The following SLC35F3 variants were observed in gnomAD, a reference collection of about 807,000 sequenced individuals.
The protein encoded by SLC35F3 is solute carrier family 35 member F3.
SLC35F3 carries 25 observed loss-of-function variants against 49.9 expected under a neutral mutation model. The ratio of observed to expected loss-of-function variants is 0.50; its 90% CI spans 0.37 to 0.70. The LOEUF (loss-of-function observed/expected upper bound fraction) is 0.70. SLC35F3 is among the 30% of genes least tolerant of loss of function. The probability of loss-of-function intolerance (pLI) is 0.00; values close to 1 mark genes in which losing one functional copy is unlikely to be tolerated. For synonymous variants in SLC35F3, 275 were observed against 265.4 expected, an observed-to-expected ratio of 1.04 and a Z score of -0.35; for missense variants, 525 against 639.8, an observed-to-expected ratio of 0.82 and a Z score of 1.94.
intron 2 of SLC35F3, among the ~76,000 whole-genome samples, chr1:234,041,770 T>G (rs1664225359): frequency 6.6e-6 from 1 of 152,166 alleles, no homozygotes; most frequent in African/African-American, 2.4e-5. Context: ...GGAGGCACAG[T>G]TTCCATTATA....
At position 234,126,521 on chromosome 1, in the gene SLC35F3, T is replaced by G. The variant is rs549048325; in HGVS notation, c.284-104896T>G. 5.1e-5 allele frequency among the ~76,000 whole-genome samples: 7 copies of G among 138,592 alleles called. No individual in the cohort carries two copies. The South Asian group carries it at 1.6e-3, about 32-fold the overall frequency. The allele number at this position is 138,592 out of a possible 152,430, so 90.9% of individuals were successfully genotyped here. A position where few individuals can be genotyped will look rare whatever the true frequency, so the allele number is the denominator to read the frequency against. ...TAGTTCTACATGATTTTATTACCTA[T>G]GTAGGTTTATGTATCCATCACTACA... On this transcript the variant is annotated intron_variant, in intron 2 of 7. Transcript: ENST00000366618.
chr1:234,172,510 A>G (rs1376924277), intron 2 of SLC35F3, among the ~76,000 whole-genome samples: 1 of 152,216 alleles, frequency 6.6e-6, no homozygotes, highest in East Asian at 1.9e-4. Flanking sequence ...TACAGGTGTG[A>G]GGCACCTGGC....
At chr1:233,915,581 A>G (rs1475018909) in intron 2 of SLC35F3, among the ~76,000 whole-genome samples, 1 of 152,326 alleles carries the variant, frequency 6.6e-6, no homozygotes, top group South Asian at 2.1e-4. Context: ...TCTAAAAGAA[A>G]AAAAGGAATA....
At chr1:234,062,143 C>G (rs1394911645) in intron 2 of SLC35F3, among the ~76,000 whole-genome samples, 1 of 152,194 alleles carries the variant, frequency 6.6e-6, no homozygotes. Flanking sequence ...TGGAATTGCT[C>G]TTTGCTTACT....
intron 2 of SLC35F3, among the ~76,000 whole-genome samples, chr1:234,062,940 C>T (rs1461709128): frequency 3.3e-5 from 5 of 151,544 alleles, no homozygotes; most frequent in Admixed American, 6.6e-5. Context: ...CCGCCCGCCT[C>T]GGCCTCCCAA....
At chr1:233,910,121 T>C (rs1661850657) in intron 2 of SLC35F3, among the ~76,000 whole-genome samples, 1 of 152,256 alleles carries the variant, frequency 6.6e-6, no homozygotes, top group Non-Finnish European at 1.5e-5. Flanking sequence ...CAGGAGACTC[T>C]GAACAGTTTC....
intron 2 of SLC35F3, among the ~76,000 whole-genome samples, chr1:234,129,105 G>A (rs1391572330): frequency 2.0e-5 from 3 of 152,170 alleles, no homozygotes; most frequent in Non-Finnish European, 4.4e-5. Context: ...CATTAATAGA[G>A]AAAGAAGGCA....
chr1:234,204,455 G>A (rs954281586), intron 2 of SLC35F3, among the ~76,000 whole-genome samples: 5 of 152,186 alleles, frequency 3.3e-5, no homozygotes, highest in South Asian at 4.2e-4. Context: ...CAAACCCAGC[G>A]TGATTCCCCT....
Position 234,146,481 on chromosome 1 carries a change from C to CTTTTTTTTTT in SLC35F3, c.284-84921_284-84912dup, listed in dbSNP as rs869146212. ...AATAAAAGTTACCAAGATATTTGCT[C>CTTTTTTTTTT]TTTTTTTTTTTTTTTTTTTTTTTTC... On this transcript the variant is annotated intron_variant, in intron 2 of 7. Coordinates refer to ENST00000366618, the MANE Select transcript of SLC35F3 (RefSeq NM_173508.4). Among the ~76,000 whole-genome samples the CTTTTTTTTTT allele has an allele frequency of 1.5e-3, 108 of 74,042 alleles. 18 individuals are homozygous for CTTTTTTTTTT. Among genetic ancestry groups the CTTTTTTTTTT allele is most frequent in the African/African-American group, 6.5e-3 (104 of 16,032 alleles). 48.6% of individuals were successfully genotyped at this position (74,042 alleles called of 152,430 possible). A position where few individuals can be genotyped will look rare whatever the true frequency, so the allele number is the denominator to read the frequency against.
rs149020074 is a variant in SLC35F3, at chr1:234,281,468, C to A, written c.609-27633C>A. 8.0e-3 allele frequency among the ~76,000 whole-genome samples: 1,212 copies of A among 152,296 alleles called. 7 individuals carry two copies. The highest frequency in any genetic ancestry group is 0.031 in the Middle Eastern group (9 of 294). On this transcript the variant is annotated intron_variant, in intron 3 of 7. Coordinates refer to ENST00000366618, the MANE Select transcript of SLC35F3 (RefSeq NM_173508.4). ...TTGCAGCCCTTGTTTGCTCTTTGTA[C>A]CCATTTGGCAGAGCAGAGTGGATCA...
chr1:233,999,504 G>A (rs1379684201), intron 2 of SLC35F3, among the ~76,000 whole-genome samples: 1 of 152,170 alleles, frequency 6.6e-6, no homozygotes, highest in Non-Finnish European at 1.5e-5. Flanking sequence ...GCTGTTCCGT[G>A]TGGGGATTCT....
At chr1:234,111,372 A>G (rs1191919746) in intron 2 of SLC35F3, among the ~76,000 whole-genome samples, 1 of 151,514 alleles carries the variant, frequency 6.6e-6, no homozygotes, top group East Asian at 1.9e-4. Flanking sequence ...GCTCACTGCA[A>G]CCTCCACCTC....
chr1:234,082,374 G>T (rs946241472), intron 2 of SLC35F3, among the ~76,000 whole-genome samples: 7 of 152,204 alleles, frequency 4.6e-5, no homozygotes, highest in Non-Finnish European at 4.4e-5. Context: ...CTGCCTGCCT[G>T]AAGCTAACTG....
intron 2 of SLC35F3, among the ~76,000 whole-genome samples, chr1:234,209,722 A>G (rs1667022915): frequency 6.6e-6 from 1 of 152,048 alleles, no homozygotes; most frequent in Admixed American, 6.5e-5. Context: ...AGTGCTTAAA[A>G]TTAAAGGGAA....
intron 2 of SLC35F3, among the ~76,000 whole-genome samples, chr1:234,052,174 T>C (rs1664387282): frequency 6.6e-6 from 1 of 152,224 alleles, no homozygotes; most frequent in South Asian, 2.1e-4. Flanking sequence ...TAGGGAGGAT[T>C]CCCTCTTTTT....
At chr1:234,059,788 T>C (rs766755219) in intron 2 of SLC35F3, among the ~76,000 whole-genome samples, 11 of 152,208 alleles carry the variant, frequency 7.2e-5, no homozygotes, top group East Asian at 1.9e-4. Flanking sequence ...AGTCCCAAAA[T>C]TGAAAAACTT....
At chr1:233,935,865 A>G (rs1438847640) in intron 2 of SLC35F3, among the ~76,000 whole-genome samples, 1 of 152,182 alleles carries the variant, frequency 6.6e-6, no homozygotes, top group African/African-American at 2.4e-5. Flanking sequence ...ATTGGTATGG[A>G]TGCCTCCTTT....
intron 2 of SLC35F3, among the ~76,000 whole-genome samples, chr1:234,108,533 A>AT (rs59972679): frequency 9.3e-6 from 1 of 107,966 alleles, no homozygotes; most frequent in African/African-American, 3.5e-5. Context: ...ATTTATATAT[A>AT]AAAGATATAT....
In SLC35F3 at chr1:233,905,588, T is replaced by C; in HGVS notation, c.113T>C (p.Leu38Pro). The C allele has an allele frequency of 6.2e-7, 1 of 1,614,104 alleles. No individual in the cohort carries two copies. Among genetic ancestry groups the C allele is most frequent in the Non-Finnish European group, 8.5e-7 (1 of 1,180,018 alleles). Residue 38 changes from leucine (L) to proline (P), a missense_variant, in exon 2 of 8, where the codon CTC (leucine) becomes CCC (proline). Coordinates refer to ENST00000366618, the MANE Select transcript of SLC35F3 (RefSeq NM_173508.4). ...PRRLSDISPQLRQLKYLVVDE... is the reference protein window; with the variant it reads ...PRRLSDISPQPRQLKYLVVDE... The stretch of plus-strand genomic sequence containing the variant: ...AGACTGTCCGACATCAGCCCCCAGC[T>C]CCGGCAGCTCAAGTACTTGGTGGTG...
Sources: gnomAD v4.1 joint callset for allele counts (sites outside exome capture counted in the v4.1 genomes callset) on GRCh38, gnomAD v4.1.1 for gene constraint, MANE v1.5 for transcripts, NCBI Gene and HGNC (gene_info 2026-07-23, HGNC 2026-07-21) for gene names.